Variants in TRIM69 observed in about 807,000 individuals in gnomAD.
The protein encoded by TRIM69 is E3 ubiquitin-protein ligase TRIM69.
Under a neutral mutation model 37.7 loss-of-function variants are expected in TRIM69, and 29 were observed. The observed-to-expected ratio is 0.77, with a 90% CI of 0.57 to 1.05. The LOEUF is 1.05. Among genes scored for constraint, TRIM69 ranks in the 50% least tolerant of loss-of-function variants. TRIM69 has a pLI of 0.00. For synonymous variants in TRIM69, 209 were observed against 212.4 expected (o/e 0.98, Z 0.14); for missense variants, 596 against 579.9 (o/e 1.03, Z -0.28).
chr15:44,747,073 C>T (rs1326716766), intron 1 of TRIM69, among the ~76,000 whole-genome samples: 1 of 152,124 alleles, frequency 6.6e-6, no homozygotes, highest in Non-Finnish European at 1.5e-5. Flanking sequence ...TGGTACTTTT[C>T]CAAAGAAAGT....
chr15:44,767,423 C>A lies in TRIM69; in HGVS notation c.1154C>A (p.Ala385Glu). 1 of 1,614,158 alleles carries A rather than the reference C, an allele frequency of 6.2e-7. No individual in the cohort carries two copies. The highest frequency in any genetic ancestry group is 8.5e-7 in the Non-Finnish European group (1 of 1,180,022). The change falls in exon 7 of 7, where the codon GCA (alanine) becomes GAA (glutamate). Residue 385 changes from alanine to glutamate, a missense_variant. Transcript: ENST00000329464. Reference protein sequence around the residue: ...SGKWYWEVEVAKKTKWTVGVV... With the variant: ...SGKWYWEVEVEKKTKWTVGVV... ...AAGTGGTACTGGGAAGTAGAAGTAG[C>A]AAAGAAGACAAAATGGACAGTTGGA...
At chr15:44,749,593 C>T (rs2087478745) in intron 1 of TRIM69, among the ~76,000 whole-genome samples, 1 of 152,166 alleles carries the variant, frequency 6.6e-6, no homozygotes. Flanking sequence ...AATAATCTTC[C>T]ATTGTATGAA....
intron 3 of TRIM69, chr15:44,758,011 A>C (rs2087687721): frequency 1.3e-5 from 2 of 153,444 alleles, no homozygotes; most frequent in Non-Finnish European, 2.9e-5. Context: ...TGGTGCATAA[A>C]AAGTTATTTT....
intron 2 of TRIM69, 56 bp from the exon 3 acceptor site, chr15:44,756,312 T>G: frequency 7.8e-7 from 1 of 1,285,098 alleles, no homozygotes; most frequent in Non-Finnish European, 1.1e-6. Context: ...GAAGATGTCC[T>G]TTATGGTCCT....
chr15:44,756,316 T>C (rs2087644968), intron 2 of TRIM69, 52 bp from the exon 3 acceptor site: 1 of 1,304,594 alleles, frequency 7.7e-7, no homozygotes, highest in South Asian at 1.3e-5. Context: ...ATGTCCTTTA[T>C]GGTCCTTCAT....
At chr15:44,764,755 C>T (rs2087851180) in intron 6 of TRIM69, among the ~76,000 whole-genome samples, 1 of 152,106 alleles carries the variant, frequency 6.6e-6, no homozygotes, top group Non-Finnish European at 1.5e-5. Context: ...TGAACAAATG[C>T]CCAAATAATG....
chr15:44,758,539 G>A (rs2087700831), intron 3 of TRIM69, 82 bp from the exon 4 acceptor site: 3 of 1,562,668 alleles, frequency 1.9e-6, no homozygotes, highest in South Asian at 1.2e-5. Flanking sequence ...TTTACCAAGT[G>A]TGTGAGTGTT....
chr15:44,758,970 A>G, intron 4 of TRIM69, 116 bp downstream of exon 4: 2 of 1,305,936 alleles, frequency 1.5e-6, no homozygotes, highest in Non-Finnish European at 2.1e-6. Flanking sequence ...AAAACAAAAC[A>G]AAACTGTTAT....
intron 1 of TRIM69, among the ~76,000 whole-genome samples, chr15:44,740,083 T>C (rs180934466): frequency 3.9e-5 from 6 of 152,320 alleles, no homozygotes; most frequent in East Asian, 3.9e-4. Context: ...GAAAATCCAC[T>C]GTTCTGCAGC....
intron 1 of TRIM69, among the ~76,000 whole-genome samples, chr15:44,752,477 G>A (rs1004237528): frequency 7.9e-5 from 12 of 152,028 alleles, no homozygotes; most frequent in Non-Finnish European, 1.3e-4. Context: ...TGTATGGATT[G>A]TCTTTCCAAC....
chr15:44,767,589 C>T lies in TRIM69; in HGVS notation c.1320C>T (p.Leu440=), dbSNP rs778145986. ...PSFSLTLTNN[L]DKVGIYLDYE... ...TCAGTCTGACACTGACTAACAACCT[C>T]GACAAGGTGGGCATATACCTGGATT... Residue 440 remains leucine, a synonymous_variant, in exon 7 of 7, where the codon CTC becomes CTT. Transcript: ENST00000329464. The T allele has an allele frequency of 1.2e-5, 20 of 1,614,052 alleles. No individual in the cohort carries two copies. The highest frequency in any genetic ancestry group is 3.3e-5 in the Admixed American group (2 of 59,994).
In TRIM69 at chr15:44,755,362, G is replaced by A; in HGVS notation, c.469G>A (p.Val157Ile). The change falls in exon 2 of 7, where the codon GTC becomes ATC. Residue 157 changes from valine (V) to isoleucine (I), a missense_variant. Coordinates refer to ENST00000329464, the MANE Select transcript of TRIM69 (RefSeq NM_182985.5). ...GGAGTTCCTGCAAATCTCTGATGCT[G>A]TCCATTTCTTCACGGTGGGTGAGCC... ...SKEFLQISDA[V>I]HFFTEELAIQ... 6.2e-7 allele frequency: 1 copy of A among 1,612,976 alleles called. No individual in the cohort carries two copies. The highest frequency in any genetic ancestry group is 8.5e-7 in the Non-Finnish European group (1 of 1,179,640).
chr15:44,767,082 A>AAAG, intron 6 of TRIM69, 149 bp from the exon 7 acceptor site: 1 of 391,702 alleles, frequency 2.6e-6, no homozygotes, highest in Non-Finnish European at 4.5e-6. Context: ...AAAAAAAAAA[A>AAAG]AAGCATATAA....
chr15:44,746,660 G>A (rs1422908611), intron 1 of TRIM69, among the ~76,000 whole-genome samples: 1 of 151,974 alleles, frequency 6.6e-6, no homozygotes, highest in African/African-American at 2.4e-5. Context: ...CATCCACACT[G>A]ATTAATGCTG....
intron 1 of TRIM69, among the ~76,000 whole-genome samples, chr15:44,751,118 CT>C (rs1262702362): frequency 1.8e-4 from 26 of 144,958 alleles, no homozygotes; most frequent in Admixed American, 1.1e-3. Context: ...CCACACCTAA[CT>C]TTTTTTTTTC....
chr15:44,758,485 T>C, intron 3 of TRIM69, 136 bp from the exon 4 acceptor site: 1 of 1,275,388 alleles, frequency 7.8e-7, no homozygotes, highest in Non-Finnish European at 1.1e-6. Context: ...TATGACTGAA[T>C]TTGATATTCA....
chr15:44,754,805 C>A, intron 1 of TRIM69, 95 bp from the exon 2 acceptor site: 3 of 904,488 alleles, frequency 3.3e-6, no homozygotes, highest in Non-Finnish European at 3.5e-6. Context: ...TTAGTTGTAC[C>A]AATTTTCAGC....
chr15:44,742,430 C>G (rs1320856803), intron 1 of TRIM69, among the ~76,000 whole-genome samples: 5 of 143,730 alleles, frequency 3.5e-5, no homozygotes, highest in African/African-American at 1.0e-4. Flanking sequence ...CCCTCTCTCA[C>G]CACTCCTATT....
chr15:44,751,358 T>A (rs2087525965), intron 1 of TRIM69, among the ~76,000 whole-genome samples: 1 of 152,040 alleles, frequency 6.6e-6, no homozygotes, highest in African/African-American at 2.4e-5. Context: ...TCAGGTGATC[T>A]GCCCACCTCG....
Sources: allele counts gnomAD v4.1 joint callset (sites outside exome capture counted in the v4.1 genomes callset), GRCh38; gene constraint gnomAD v4.1.1; transcripts MANE v1.5; gene names NCBI Gene and HGNC (gene_info 2026-07-23, HGNC 2026-07-21).